Variants in TDRD3 observed in about 807,000 individuals in gnomAD.
TDRD3 encodes the protein tudor domain-containing protein 3.
Under a neutral mutation model 86.7 loss-of-function variants are expected in TDRD3, and 45 were observed. The ratio of observed to expected loss-of-function variants is 0.52; its 90% CI spans 0.41 to 0.67. The LOEUF is 0.67. Ranked by LOEUF, TDRD3 falls within the 30% of genes least tolerant of loss-of-function variation. The pLI is 0.00. For synonymous variants in TDRD3, 298 were observed against 301.7 expected, an observed-to-expected ratio of 0.99 and a Z score of 0.13; for missense variants, 814 against 889.0, an observed-to-expected ratio of 0.92 and a Z score of 1.07.
At chr13:60,476,066 G>GT (rs1482616326) in intron 5 of TDRD3, among the ~76,000 whole-genome samples, 1 of 151,994 alleles carries the variant, frequency 6.6e-6, no homozygotes, top group Non-Finnish European at 1.5e-5. Context: ...TCTTATTTTT[G>GT]TTTTTTGTTA....
intron 1 of TDRD3, among the ~76,000 whole-genome samples, chr13:60,434,587 C>G (rs1365959423): frequency 3.3e-5 from 5 of 151,800 alleles, no homozygotes; most frequent in African/African-American, 1.2e-4. Context: ...GAAATTTAGC[C>G]TTTTAATGCC....
intron 12 of TDRD3, among the ~76,000 whole-genome samples, chr13:60,556,416 C>G (rs1958185694): frequency 1.3e-5 from 2 of 152,192 alleles, no homozygotes; most frequent in African/African-American, 2.4e-5. Context: ...AACAATAATA[C>G]TGTGCCAAAA....
At chr13:60,527,346 G>A (rs1018523692) in intron 10 of TDRD3, among the ~76,000 whole-genome samples, 10 of 152,200 alleles carry the variant, frequency 6.6e-5, no homozygotes, top group Non-Finnish European at 2.9e-5. Context: ...GGCCAATGAA[G>A]TTAATTTTCT....
At chr13:60,420,198 A>C (rs755435054) in intron 1 of TDRD3, among the ~76,000 whole-genome samples, 6 of 152,180 alleles carry the variant, frequency 3.9e-5, no homozygotes, top group African/African-American at 7.2e-5. Flanking sequence ...AACAACAACA[A>C]AAAGAAATTG....
intron 12 of TDRD3, chr13:60,537,223 A>T (rs544720540): frequency 6.6e-6 from 1 of 151,966 alleles, no homozygotes; most frequent in Non-Finnish European, 1.5e-5. Flanking sequence ...TTGACGTTTT[A>T]TGAATTTGCG....
chr13:60,503,898 C>T (rs947262734), intron 8 of TDRD3, among the ~76,000 whole-genome samples: 2 of 152,148 alleles, frequency 1.3e-5, no homozygotes, highest in African/African-American at 4.8e-5. Context: ...ATAGACGATT[C>T]CATCTAATCT....
At chr13:60,435,918 G>GTTTTTTTTTTTTTTTTTTTTTTT (rs767705603) in intron 1 of TDRD3, among the ~76,000 whole-genome samples, 32 of 124,738 alleles carry the variant, frequency 2.6e-4, no homozygotes, top group Non-Finnish European at 3.8e-4. Flanking sequence ...AACATCTATG[G>GTTTTTTTTTTTTTTTTTTTTTTT]TTTTTTTTTT....
At chr13:60,495,653 C>A (rs944477918) in intron 8 of TDRD3, among the ~76,000 whole-genome samples, 9 of 152,050 alleles carry the variant, frequency 5.9e-5, no homozygotes, top group African/African-American at 2.2e-4. Flanking sequence ...TTAGTAGAGA[C>A]AGGGTTTCAC....
At chr13:60,479,831 T>C (rs1956273072) in intron 5 of TDRD3, among the ~76,000 whole-genome samples, 1 of 152,192 alleles carries the variant, frequency 6.6e-6, no homozygotes, top group African/African-American at 2.4e-5. Context: ...CCTGCTCTTT[T>C]TTGTTTTCTG....
At chr13:60,478,243 C>T (rs907645425) in intron 5 of TDRD3, among the ~76,000 whole-genome samples, 3 of 149,912 alleles carry the variant, frequency 2.0e-5, no homozygotes, top group South Asian at 2.1e-4. Context: ...CTGATTGTAC[C>T]GATTTGGATC....
At chr13:60,552,545 T>C (rs982221899) in intron 12 of TDRD3, among the ~76,000 whole-genome samples, 40 of 152,208 alleles carry the variant, frequency 2.6e-4, no homozygotes, top group African/African-American at 8.9e-4. Flanking sequence ...TCTGCCATTC[T>C]GGGGTCCAGA....
chr13:60,452,486 G>A (rs569498779), intron 3 of TDRD3, among the ~76,000 whole-genome samples: 18 of 151,776 alleles, frequency 1.2e-4, no homozygotes, highest in African/African-American at 3.9e-4. Context: ...ACATTATTCT[G>A]TATATTCTTT....
chr13:60,400,225 C>T (rs559726559), intron 1 of TDRD3, among the ~76,000 whole-genome samples: 1 of 152,302 alleles, frequency 6.6e-6, no homozygotes, highest in Non-Finnish European at 1.5e-5. Context: ...AACAATTTTA[C>T]TCACTCTGCA....
rs1953942064 is a variant in TDRD3, at chr13:60,397,276, T to TC, written c.-89_-88insC. ...AGGAGTTTTTTCTTTTCTTTTCTTTTTTTTTTTTTAAGGGGGGGGGTCTCA... is the reference window on the plus strand; with the variant it reads ...AGGAGTTTTTTCTTTTCTTTTCTTTTCTTTTTTTTTAAGGGGGGGGGTCTCA... On this transcript the variant is annotated 5_prime_UTR_variant, in exon 1 of 14. The change creates a premature stop within an existing upstream ORF in the 5' untranslated region. Transcript: ENST00000377881. 2.8e-6 allele frequency: 2 copies of TC among 715,080 alleles called. No individual in the cohort carries two copies. The highest frequency in any genetic ancestry group is 3.4e-5 in the East Asian group (1 of 29,430). 44.3% of individuals were successfully genotyped at this position (715,080 alleles called of 1,614,324 possible).
chr13:60,506,781 A>G lies in TDRD3; in HGVS notation c.859-2982A>G, dbSNP rs557153055. Among the ~76,000 whole-genome samples, 4 of 152,272 alleles carry G rather than the reference A, an allele frequency of 2.6e-5. No individual in the cohort carries two copies. The South Asian group carries it at 6.2e-4, about 24-fold the overall frequency. ...CAAAAAAAAGAACATCGACACTATG[A>G]AGAAACTGCATCAGCTAAAGGGCAA... On this transcript the variant is annotated intron_variant, in intron 8 of 13. Transcript: ENST00000377881.
intron 7 of TDRD3, among the ~76,000 whole-genome samples, chr13:60,487,993 CATTTT>C (rs752832774): frequency 2.8e-4 from 42 of 152,044 alleles, no homozygotes; most frequent in Non-Finnish European, 5.1e-4. Flanking sequence ...GATAATATCT[CATTTT>C]GTTTTGATTT....
intron 13 of TDRD3, among the ~76,000 whole-genome samples, chr13:60,570,113 C>G (rs1486042045): frequency 6.6e-6 from 1 of 152,064 alleles, no homozygotes; most frequent in African/African-American, 2.4e-5. Flanking sequence ...AAACAGTCAA[C>G]AAAGTTAAGA....
At chr13:60,511,690 C>T (rs1957063035) in intron 10 of TDRD3, among the ~76,000 whole-genome samples, 1 of 152,156 alleles carries the variant, frequency 6.6e-6, no homozygotes, top group African/African-American at 2.4e-5. Context: ...TTATCAGAGA[C>T]TTGAGTTCCT....
intron 10 of TDRD3, among the ~76,000 whole-genome samples, chr13:60,521,959 C>G (rs1957296562): frequency 6.6e-6 from 1 of 151,938 alleles, no homozygotes; most frequent in African/African-American, 2.4e-5. Context: ...TGAATAATTA[C>G]TATATCTGGA....
Sources: allele counts gnomAD v4.1 joint callset (sites outside exome capture counted in the v4.1 genomes callset), GRCh38; gene constraint gnomAD v4.1.1; transcripts MANE v1.5; gene names NCBI Gene and HGNC (gene_info 2026-07-23, HGNC 2026-07-21).